Variants in RBFOX1 observed in about 807,000 individuals in gnomAD.
RBFOX1 encodes the protein RNA binding fox-1 homolog 1.
RBFOX1 carries 8 observed loss-of-function variants against 57.7 expected under a neutral mutation model. The observed-to-expected ratio is 0.14, with a 90% CI of 0.08 to 0.25. The LOEUF is 0.25. Ranked by LOEUF, RBFOX1 falls within the 10% of genes least tolerant of loss-of-function variation. The pLI is 1.00. For synonymous variants in RBFOX1, 326 were observed against 222.4 expected (o/e 1.47, Z -4.15); for missense variants, 611 against 548.5 (o/e 1.11, Z -1.14).
chr16:6,859,078 A>G (rs910762444), intron 3 of RBFOX1, among the ~76,000 whole-genome samples: 5 of 124,032 alleles, frequency 4.0e-5, no homozygotes. Flanking sequence ...TGCTCCCTTA[A>G]TACCATCAGT....
intron 1 of RBFOX1, among the ~76,000 whole-genome samples, chr16:6,082,516 G>T (rs1489813409): frequency 2.6e-5 from 4 of 151,730 alleles, no homozygotes; most frequent in African/African-American, 9.7e-5. Flanking sequence ...TTAATCCTCA[G>T]TAGGACAGCA....
intron 1 of RBFOX1, among the ~76,000 whole-genome samples, chr16:5,403,833 C>T (rs2066788431): frequency 6.6e-6 from 1 of 152,082 alleles, no homozygotes; most frequent in Admixed American, 6.6e-5. Context: ...CTCCTGGGTC[C>T]CAACTTGCAG....
intron 4 of RBFOX1, among the ~76,000 whole-genome samples, chr16:7,055,234 T>C (rs900870825): frequency 2.6e-5 from 4 of 152,176 alleles, no homozygotes; most frequent in African/African-American, 9.7e-5. Flanking sequence ...TTTTTCTAAC[T>C]CAGCTGACTA....
chr16:7,397,914 A>G (rs1269392879), intron 4 of RBFOX1, among the ~76,000 whole-genome samples: 1 of 152,052 alleles, frequency 6.6e-6, no homozygotes, highest in East Asian at 1.9e-4. Context: ...CTGATTTTTT[A>G]GGCCCTACTT....
intron 3 of RBFOX1, among the ~76,000 whole-genome samples, chr16:6,884,905 C>G (rs531857652): frequency 2.0e-5 from 3 of 152,084 alleles, no homozygotes; most frequent in South Asian, 2.1e-4. Context: ...TTCAAACAAA[C>G]AAACAAAACA....
At chr16:5,990,945 G>T (rs2060382663) in intron 4 of RBFOX1, among the ~76,000 whole-genome samples, 1 of 152,138 alleles carries the variant, frequency 6.6e-6, no homozygotes, top group African/African-American at 2.4e-5. Context: ...CTGAACTCCA[G>T]CCTGGGCCAC....
intron 3 of RBFOX1, among the ~76,000 whole-genome samples, chr16:5,674,949 C>G (rs1291552602): frequency 1.3e-5 from 2 of 152,068 alleles, no homozygotes; most frequent in African/African-American, 2.4e-5. Context: ...GAGTTTGAAA[C>G]CAGCCTGGAC....
At chr16:5,432,018 AT>A (rs1431389322) in intron 1 of RBFOX1, among the ~76,000 whole-genome samples, 1 of 152,012 alleles carries the variant, frequency 6.6e-6, no homozygotes, top group African/African-American at 2.4e-5. Context: ...AAGGAGGTAA[AT>A]TGTGGCCACA....
intron 3 of RBFOX1, among the ~76,000 whole-genome samples, chr16:5,783,433 A>AT (rs1362631310): frequency 1.3e-5 from 2 of 151,940 alleles, no homozygotes; most frequent in Non-Finnish European, 2.9e-5. Flanking sequence ...GTATATAGAG[A>AT]TTTTTTCTTG....
chr16:5,531,485 G>C (rs1033146757), intron 2 of RBFOX1, among the ~76,000 whole-genome samples: 20 of 152,244 alleles, frequency 1.3e-4, no homozygotes, highest in African/African-American at 4.8e-4. Context: ...TATTTGTTAA[G>C]TACCTTTTAG....
chr16:7,302,191 G>A (rs1163259290), intron 4 of RBFOX1, among the ~76,000 whole-genome samples: 1 of 152,176 alleles, frequency 6.6e-6, no homozygotes, highest in Non-Finnish European at 1.5e-5. Flanking sequence ...AGAGAGGTTG[G>A]AGGCACTGGT....
rs567611607 is a variant in RBFOX1 at position 5,512,909 on chromosome 16, G to T, written c.258+45655G>T. Among the ~76,000 whole-genome samples, 12 of 152,180 alleles carry T rather than the reference G, an allele frequency of 7.9e-5. No homozygotes were observed. In the East Asian group the frequency reaches 1.5e-3, roughly 20 times the overall value. On this transcript the variant is annotated intron_variant, in intron 2 of 2. Transcript: ENST00000585867. ...TTTTAAGGTCCTCTGGACTGTGATG[G>T]TTTCTCAGACTTTCCTTGTTTTTTG...
intron 1 of RBFOX1, among the ~76,000 whole-genome samples, chr16:5,262,065 A>G (rs1030822115): frequency 1.3e-5 from 2 of 152,248 alleles, no homozygotes; most frequent in Non-Finnish European, 2.9e-5. Flanking sequence ...AAAGAAACAC[A>G]CAACGTATTT....
At chr16:6,819,980 C>G (rs568667897) in intron 3 of RBFOX1, among the ~76,000 whole-genome samples, 1 of 152,048 alleles carries the variant, frequency 6.6e-6, no homozygotes, top group African/African-American at 2.4e-5. Context: ...GTGTCCCCAC[C>G]CAAATCACAT....
chr16:5,508,581 C>T (rs1448818565), intron 2 of RBFOX1, among the ~76,000 whole-genome samples: 2 of 151,958 alleles, frequency 1.3e-5, no homozygotes, highest in African/African-American at 4.8e-5. Flanking sequence ...GCGGGGACTG[C>T]ACAGAGCAGT....
intron 7 of RBFOX1, among the ~76,000 whole-genome samples, chr16:7,589,090 A>T (rs964106589): frequency 6.6e-6 from 1 of 152,286 alleles, no homozygotes; most frequent in Non-Finnish European, 1.5e-5. Flanking sequence ...CTGCAAAGCA[A>T]AGTGCATTGA....
At chr16:6,928,597 T>A (rs7184348) in intron 3 of RBFOX1, among the ~76,000 whole-genome samples, 3 of 152,144 alleles carry the variant, frequency 2.0e-5, no homozygotes, top group East Asian at 1.9e-4. Context: ...GCAATGTGTC[T>A]TACAGTTACC....
At chr16:5,365,933 G>A in intron 1 of RBFOX1, 1 of 493,488 alleles carries the variant, frequency 2.0e-6, no homozygotes, top group Non-Finnish European at 4.0e-6. Flanking sequence ...CTTTAAGAAT[G>A]GTCAGTTTAG....
downstream of RBFOX1, among the ~76,000 whole-genome samples, chr16:5,604,503 C>T (rs1156481792): frequency 6.6e-6 from 1 of 152,202 alleles, no homozygotes; most frequent in South Asian, 2.1e-4. Context: ...AGGCAGTTTA[C>T]AATGTGACAG....
Sources: gnomAD v4.1 joint callset for allele counts (sites outside exome capture counted in the v4.1 genomes callset) on GRCh38, gnomAD v4.1.1 for gene constraint, MANE v1.5 for transcripts, NCBI Gene and HGNC (gene_info 2026-07-23, HGNC 2026-07-21) for gene names.